Variants in ABHD18 observed in about 807,000 individuals in gnomAD.
ABHD18 encodes cardiolipin-specific deacylase, mitochondrial.
ABHD18 carries 55 observed loss-of-function variants against 65.9 expected under a neutral mutation model. The observed-to-expected ratio is 0.84, with a 90% CI of 0.67 to 1.05. ABHD18 has a LOEUF of 1.05. Among genes scored for constraint, ABHD18 ranks in the 50% least tolerant of loss-of-function variants. The pLI is 0.00. For missense variants in ABHD18, 533 were observed against 558.5 expected, an observed-to-expected ratio of 0.95 and a Z score of 0.46; for synonymous variants, 181 against 180.2, an observed-to-expected ratio of 1.00 and a Z score of -0.04.
intron 7 of ABHD18, among the ~76,000 whole-genome samples, chr4:128,017,063 A>C (rs1343071239): frequency 6.6e-6 from 1 of 152,180 alleles, no homozygotes; most frequent in East Asian, 1.9e-4. Flanking sequence ...GATCACAGGC[A>C]TGCGCCACCA....
chr4:127,997,510 T>C (rs1302994494), intron 4 of ABHD18, among the ~76,000 whole-genome samples: 1 of 152,242 alleles, frequency 6.6e-6, no homozygotes, highest in Non-Finnish European at 1.5e-5. Context: ...TGATTTCATA[T>C]GACTTAAATT....
At chr4:128,002,374 G>T (rs1443915669) in intron 4 of ABHD18, among the ~76,000 whole-genome samples, 1 of 151,408 alleles carries the variant, frequency 6.6e-6, no homozygotes, top group Non-Finnish European at 1.5e-5. Flanking sequence ...CTGCCTCCTG[G>T]AGTCAAGTGA....
chr4:128,015,646 G>A (rs1185691785), intron 7 of ABHD18, among the ~76,000 whole-genome samples: 3 of 152,146 alleles, frequency 2.0e-5, no homozygotes, highest in Non-Finnish European at 4.4e-5. Context: ...AGAGCTCTGA[G>A]AGGACTTGGT....
intron 1 of ABHD18, among the ~76,000 whole-genome samples, chr4:127,968,874 C>G (rs918194695): frequency 1.3e-5 from 2 of 152,028 alleles, no homozygotes; most frequent in African/African-American, 4.8e-5. Flanking sequence ...GGATTTTTAT[C>G]TGTTCATGGT....
chr4:128,015,513 ATGACT>A (rs1158200167), intron 7 of ABHD18, among the ~76,000 whole-genome samples: 1 of 152,186 alleles, frequency 6.6e-6, no homozygotes, highest in Non-Finnish European at 1.5e-5. Flanking sequence ...AAATAGAAAA[ATGACT>A]TGAGGATAGG....
At chr4:127,996,356 C>A (rs180703424) in intron 4 of ABHD18, among the ~76,000 whole-genome samples, 1 of 152,058 alleles carries the variant, frequency 6.6e-6, no homozygotes, top group African/African-American at 2.4e-5. Flanking sequence ...TACAGCTGGG[C>A]CTCCAGGGGT....
At chr4:127,988,155 C>A (rs1309884395) in intron 3 of ABHD18, among the ~76,000 whole-genome samples, 1 of 152,044 alleles carries the variant, frequency 6.6e-6, no homozygotes, top group Non-Finnish European at 1.5e-5. Flanking sequence ...AAGTCAGTTG[C>A]AAAAATATGT....
Position 127,984,415 on chromosome 4 carries a change from A to G in ABHD18, c.169A>G (p.Ile57Val), listed in dbSNP as rs1211021315. Reference sequence around the variant, plus strand: ...GGTTTCAAGCGATTATCCAGTACACATTGATAAGGTATTCAAATGAGAGAA... The same window carrying G: ...GGTTTCAAGCGATTATCCAGTACACGTTGATAAGGTATTCAAATGAGAGAA... ...NLVSSDYPVH[I>V]DKIEEQSDCK... The change falls in exon 3 of 13, where the codon ATT becomes GTT. Residue 57 changes from isoleucine (I) to valine (V), a missense_variant. Transcript: ENST00000645843. 1.7e-5 allele frequency: 26 copies of G among 1,527,206 alleles called. No homozygotes were observed. Among genetic ancestry groups the G allele is most frequent in the Non-Finnish European group, 2.1e-5 (24 of 1,128,074 alleles). The allele number at this position is 1,527,206 out of a possible 1,614,324, so 94.6% of individuals were successfully genotyped here.
intron 4 of ABHD18, among the ~76,000 whole-genome samples, chr4:127,999,166 C>T (rs976652787): frequency 1.3e-5 from 2 of 152,000 alleles, no homozygotes; most frequent in Non-Finnish European, 2.9e-5. Flanking sequence ...CGTCTGGAAT[C>T]CCAGCTACTA....
At chr4:127,977,738 C>T (rs1748228080) in intron 1 of ABHD18, among the ~76,000 whole-genome samples, 1 of 151,912 alleles carries the variant, frequency 6.6e-6, no homozygotes. Context: ...AATTCTAATA[C>T]AAAACTTGCA....
At chr4:128,023,585 T>TAAA (rs751357932) in intron 10 of ABHD18, among the ~76,000 whole-genome samples, 3 of 134,788 alleles carry the variant, frequency 2.2e-5, no homozygotes, top group African/African-American at 8.2e-5. Flanking sequence ...CCATTTCTCT[T>TAAA]AAAAAAAAAA....
At chr4:128,017,026 T>C (rs1211164891) in intron 7 of ABHD18, among the ~76,000 whole-genome samples, 1 of 152,108 alleles carries the variant, frequency 6.6e-6, no homozygotes, top group Admixed American at 6.6e-5. Flanking sequence ...CAAGCGATTT[T>C]CATGCCTCAG....
At chr4:127,976,170 T>C (rs183423186) in intron 1 of ABHD18, among the ~76,000 whole-genome samples, 2 of 152,262 alleles carry the variant, frequency 1.3e-5, no homozygotes, top group East Asian at 3.9e-4. Context: ...ATAACATTAG[T>C]GTTATATTTG....
chr4:128,008,982 C>G lies in ABHD18; in HGVS notation c.341C>G (p.Ala114Gly). The stretch of plus-strand genomic sequence containing the variant: ...TATAGACCTGTATGCATTCATCTTG[C>G]TGGAACAGGAGATCATGTAAGACTT... ...SKYRPVCIHL[A>G]GTGDHHYWRR... The change falls in exon 5 of 13, where the codon GCT becomes GGT. Residue 114 changes from alanine (A) to glycine (G), a missense_variant. Physicochemically the swap from Ala to Gly is moderately conservative, Grantham distance 60 (BLOSUM62 0). This residue lies in a region of ABHD18 where 309 missense variants were observed against 313.5 expected (regional missense o/e 0.99). Coordinates refer to ENST00000645843, the MANE Select transcript of ABHD18 (RefSeq NM_001358451.3). 1 of 1,609,898 alleles carries G rather than the reference C, an allele frequency of 6.2e-7. No homozygotes were observed. The highest frequency in any genetic ancestry group is 8.5e-7 in the Non-Finnish European group (1 of 1,178,608).
chr4:128,020,645 T>C (rs1180003301), intron 9 of ABHD18, among the ~76,000 whole-genome samples: 1 of 152,158 alleles, frequency 6.6e-6, no homozygotes, highest in Non-Finnish European at 1.5e-5. Flanking sequence ...CCCACTCTTA[T>C]CATTTAGGAA....
In ABHD18 at chr4:128,005,127, G is replaced by A. The variant is rs191645282; in HGVS notation, c.279-3793G>A. Among the ~76,000 whole-genome samples, 567 of 152,298 alleles carry A rather than the reference G, an allele frequency of 3.7e-3. 3 individuals carry two copies. Among genetic ancestry groups the A allele is most frequent in the Non-Finnish European group, 5.9e-3 (402 of 68,032 alleles). On this transcript the variant is annotated intron_variant, in intron 4 of 12. Transcript: ENST00000645843. ...GCCTGTAATCCCAGCTACTTGGGAG[G>A]ATGAGGCAGGAGAATCACTTGAACC...
At chr4:127,976,636 T>C (rs1179615935) in intron 1 of ABHD18, among the ~76,000 whole-genome samples, 1 of 152,240 alleles carries the variant, frequency 6.6e-6, no homozygotes, top group African/African-American at 2.4e-5. Flanking sequence ...TGGAAACATA[T>C]TAAAATGGAA....
At chr4:127,972,397 C>G (rs979744917) in intron 1 of ABHD18, among the ~76,000 whole-genome samples, 1 of 152,068 alleles carries the variant, frequency 6.6e-6, no homozygotes, top group Non-Finnish European at 1.5e-5. Flanking sequence ...AGCCCTGATT[C>G]TGAAACTTTC....
rs1759003639 is a variant in ABHD18 at position 128,037,674 on chromosome 4, T to C, written c.*1861T>C. The stretch of plus-strand genomic sequence containing the variant: ...TTTTATTTTTTTAATTACATTTTTC[T>C]ATATGCTTATTCTTTGGATTGCTAA... On this transcript the variant is annotated 3_prime_UTR_variant, in exon 13 of 13. Coordinates refer to ENST00000645843, the MANE Select transcript of ABHD18 (RefSeq NM_001358451.3). The C allele has an allele frequency of 6.6e-6, 1 of 152,136 alleles. No homozygotes were observed. Among genetic ancestry groups the C allele is most frequent in the Non-Finnish European group, 1.5e-5 (1 of 68,026 alleles). The allele number at this position is 152,136 out of a possible 1,614,324, so 9.4% of individuals were successfully genotyped here.
Sources: allele counts gnomAD v4.1 joint callset (sites outside exome capture counted in the v4.1 genomes callset), GRCh38; gene constraint gnomAD v4.1.1; regional missense constraint gnomAD v4.1.1; transcripts MANE v1.5; gene names NCBI Gene and HGNC (gene_info 2026-07-23, HGNC 2026-07-21).